Variants in ASPH observed in about 807,000 individuals in gnomAD.
ASPH encodes aspartate beta-hydroxylase.
ASPH carries 100 observed loss-of-function variants against 118.4 expected under a neutral mutation model. The ratio of observed to expected loss-of-function variants is 0.84; its 90% confidence interval spans 0.72 to 1.00. ASPH has a LOEUF of 1.00. Among genes scored for constraint, ASPH ranks in the 50% least tolerant of loss-of-function variants. The probability of loss-of-function intolerance (pLI) is 0.00; values close to 1 mark genes in which losing one functional copy is unlikely to be tolerated. For synonymous variants in ASPH, 315 were observed against 325.6 expected (o/e 0.97, Z 0.35); for missense variants, 920 against 919.5 (o/e 1.00, Z -0.01).
At chr8:61,590,414 C>T (rs562042880) in intron 14 of ASPH, among the ~76,000 whole-genome samples, 1 of 152,220 alleles carries the variant, frequency 6.6e-6, no homozygotes, top group Non-Finnish European at 1.5e-5. Context: ...CTGTGGCTCC[C>T]ATCTGCACCA....
intron 24 of ASPH, among the ~76,000 whole-genome samples, chr8:61,509,113 T>G (rs1807813382): frequency 6.6e-6 from 1 of 151,814 alleles, no homozygotes; most frequent in South Asian, 2.1e-4. Flanking sequence ...ATGAAGGCAC[T>G]GAAGGAGGAG....
chr8:61,540,670 A>T (rs10094667), intron 21 of ASPH, among the ~76,000 whole-genome samples: 3 of 152,072 alleles, frequency 2.0e-5, no homozygotes, highest in South Asian at 2.1e-4. Context: ...CATAATTTCA[A>T]GGGCATACAG....
At chr8:61,506,259 G>GA (rs1399441721) in intron 24 of ASPH, among the ~76,000 whole-genome samples, 1 of 152,186 alleles carries the variant, frequency 6.6e-6, no homozygotes, top group East Asian at 1.9e-4. Context: ...ACACATCTGA[G>GA]GTCCTAGACT....
intron 3 of ASPH, among the ~76,000 whole-genome samples, chr8:61,677,849 A>T (rs1348772934): frequency 6.6e-6 from 1 of 152,206 alleles, no homozygotes; most frequent in Non-Finnish European, 1.5e-5. Context: ...TATTACATAT[A>T]AAACTTTTCC....
Position 61,642,832 on chromosome 8 carries a change from C to T in ASPH, c.790+56G>A, listed in dbSNP as rs1185014566. On this transcript the variant is annotated intron_variant, in intron 10 of 24. Coordinates refer to ENST00000379454, the MANE Select transcript of ASPH (RefSeq NM_004318.4). ...TGCACTGCAGCCTGGGCAACAAGAG[C>T]GAAACTCCATCTCAAAAAAAAAAAG... 5.4e-5 allele frequency: 73 copies of T among 1,355,234 alleles called. 1 individual carries two copies. In the East Asian group the frequency reaches 8.2e-4, roughly 15 times the overall value. 84.0% of individuals were successfully genotyped at this position (1,355,234 alleles called of 1,614,324 possible).
At chr8:61,662,736 T>C (rs1206193245) in intron 3 of ASPH, 4 of 604,642 alleles carry the variant, frequency 6.6e-6, no homozygotes, top group Non-Finnish European at 8.3e-6. Flanking sequence ...TACAAGTGCT[T>C]TTAAAGGATC....
chr8:61,537,649 C>T (rs1265054020), intron 21 of ASPH, among the ~76,000 whole-genome samples: 1 of 152,088 alleles, frequency 6.6e-6, no homozygotes, highest in Non-Finnish European at 1.5e-5. Context: ...AGGGCATATG[C>T]ATATTTAAGA....
intron 3 of ASPH, chr8:61,656,322 C>T (rs796197623): frequency 1.3e-4 from 20 of 152,274 alleles, no homozygotes; most frequent in African/African-American, 4.6e-4. Flanking sequence ...AGTGCGGAGG[C>T]GGCTGACTGC....
At chr8:61,585,841 C>T (rs749308017) in intron 14 of ASPH, among the ~76,000 whole-genome samples, 3 of 152,310 alleles carry the variant, frequency 2.0e-5, no homozygotes, top group Non-Finnish European at 2.9e-5. Flanking sequence ...CACCTCCAAG[C>T]TCTGTGACCT....
chr8:61,634,574 G>A (rs1020625301), intron 12 of ASPH, among the ~76,000 whole-genome samples: 7 of 152,064 alleles, frequency 4.6e-5, no homozygotes, highest in Non-Finnish European at 7.4e-5. Context: ...ATTGAAAACA[G>A]CAACAAAAAT....
At chr8:61,704,245 A>G (rs1438369772) in intron 1 of ASPH, among the ~76,000 whole-genome samples, 1 of 149,188 alleles carries the variant, frequency 6.7e-6, no homozygotes, top group African/African-American at 2.5e-5. Context: ...AGAGGGGCTC[A>G]GAAACAGATT....
At chr8:61,536,209 T>C (rs1434591474) in intron 21 of ASPH, among the ~76,000 whole-genome samples, 3 of 151,884 alleles carry the variant, frequency 2.0e-5, no homozygotes, top group Non-Finnish European at 4.4e-5. Flanking sequence ...CTGGCTAATT[T>C]TTTGTATTTT....
chr8:61,576,720 C>T, intron 16 of ASPH, 52 bp downstream of exon 16: 1 of 1,508,734 alleles, frequency 6.6e-7, no homozygotes, highest in African/African-American at 1.4e-5. Context: ...TTCAATCACA[C>T]AAAACACATG....
In ASPH at chr8:61,600,475, A is replaced by G. The variant is rs993239095; in HGVS notation, c.977-16446T>C. Among the ~76,000 whole-genome samples the G allele has an allele frequency of 4.0e-5, 6 of 151,422 alleles. 1 individual carries two copies. The highest frequency in any genetic ancestry group is 1.2e-4 in the African/African-American group (5 of 40,734). ...CAGAAAACATGATCTTATATAGAAA[A>G]AAATCTAAAGACTCTACCAGAAAAC... On this transcript the variant is annotated intron_variant, in intron 14 of 24. Transcript: ENST00000379454.
intron 19 of ASPH, 32 bp from the exon 20 acceptor site, chr8:61,553,152 A>G (rs1184851396): frequency 2.0e-6 from 3 of 1,478,742 alleles, no homozygotes; most frequent in Non-Finnish European, 9.4e-7. Flanking sequence ...TATGGGTAAA[A>G]TAATTAAATA....
chr8:61,626,057 T>A (rs1208224217), intron 13 of ASPH: 1 of 1,237,238 alleles, frequency 8.1e-7, no homozygotes, highest in African/African-American at 1.6e-5. Context: ...CATGCAGGAA[T>A]GTAACATGAC....
intron 14 of ASPH, among the ~76,000 whole-genome samples, chr8:61,593,292 A>C (rs538127342): frequency 1.8e-4 from 27 of 152,316 alleles, no homozygotes; most frequent in Middle Eastern, 6.8e-3. Flanking sequence ...TTTCTCTAAC[A>C]CGATCTACTC....
At chr8:61,675,460 G>A in intron 3 of ASPH, 1 of 984,482 alleles carries the variant, frequency 1.0e-6, no homozygotes, top group Non-Finnish European at 1.2e-6. Context: ...CTTACTCTAA[G>A]GCAAAAACAT....
chr8:61,538,711 C>T (rs1820561393), intron 21 of ASPH, among the ~76,000 whole-genome samples: 1 of 152,216 alleles, frequency 6.6e-6, no homozygotes, highest in Non-Finnish European at 1.5e-5. Context: ...CATTCCAATG[C>T]ACTATGTCAC....
Sources: allele counts gnomAD v4.1 joint callset (sites outside exome capture counted in the v4.1 genomes callset), GRCh38; gene constraint gnomAD v4.1.1; transcripts MANE v1.5; gene names NCBI Gene and HGNC (gene_info 2026-07-23, HGNC 2026-07-21).